The following TRABD2B variants were observed in gnomAD, a reference collection of about 807,000 sequenced individuals.
TRABD2B encodes the protein TraB domain containing 2B, also known as metalloprotease TIKI2.
A neutral mutation model predicts 40.1 loss-of-function variants in TRABD2B; 14 were observed. The ratio of observed to expected loss-of-function variants is 0.35; its 90% CI spans 0.23 to 0.55. The LOEUF is 0.55. TRABD2B is among the 20% of genes least tolerant of loss of function. TRABD2B has a pLI of 0.90. For synonymous variants in TRABD2B, 263 were observed against 277.0 expected (o/e 0.95, Z 0.50); for missense variants, 541 against 648.6 (o/e 0.83, Z 1.80).
intron 2 of TRABD2B, among the ~76,000 whole-genome samples, chr1:47,865,756 A>G (rs1166049671): frequency 2.0e-5 from 3 of 152,046 alleles, no homozygotes; most frequent in Non-Finnish European, 4.4e-5. Flanking sequence ...CATCCTTCCA[A>G]TGGTGATGAT....
At chr1:47,882,237 C>CAT (rs1199529325) in intron 2 of TRABD2B, among the ~76,000 whole-genome samples, 3 of 152,224 alleles carry the variant, frequency 2.0e-5, no homozygotes, top group African/African-American at 2.4e-5. Flanking sequence ...GCCTCATGCT[C>CAT]CCCATGCTGC....
At chr1:47,844,175 T>C (rs1485533831) in intron 2 of TRABD2B, among the ~76,000 whole-genome samples, 1 of 152,218 alleles carries the variant, frequency 6.6e-6, no homozygotes, top group Admixed American at 6.5e-5. Context: ...AATAACACCG[T>C]GCTGACCACA....
chr1:47,970,127 TC>T (rs201644720), intron 2 of TRABD2B, among the ~76,000 whole-genome samples: 1,593 of 152,172 alleles, frequency 0.01, 25 homozygotes, highest in South Asian at 0.074. Context: ...TATCAGAGAC[TC>T]CTGTTTTCCA....
Position 47,775,215 on chromosome 1 carries a change from TG to T in TRABD2B, c.1303del (p.Gln435SerfsTer126). 1 of 1,241,692 alleles carries T rather than the reference TG, an allele frequency of 8.1e-7. No individual in the cohort carries two copies. 76.9% of individuals were successfully genotyped at this position (1,241,692 alleles called of 1,614,324 possible). Reference sequence around the variant, plus strand: ...GAGGTCATTGAACTGCCGCGGCCGCTGGTGTGTGCTCTGCCTCTTGTGCCAC... The same window carrying T: ...GAGGTCATTGAACTGCCGCGGCCGCTGTGTGTGCTCTGCCTCTTGTGCCAC... ...RKWHKRQSTHQRPRQFNDLWV... is the reference protein window; with the variant it reads ...RKWHKRQSTHXRPRQFNDLWV... On this transcript the variant is annotated frameshift_variant, in exon 6 of 7. Transcript: ENST00000606738. LOFTEE classifies it low-confidence loss of function (END_TRUNC).
At chr1:47,798,451 C>G (rs1644777226) in intron 3 of TRABD2B, among the ~76,000 whole-genome samples, 1 of 152,212 alleles carries the variant, frequency 6.6e-6, no homozygotes, top group Non-Finnish European at 1.5e-5. Flanking sequence ...TAGGCACAGA[C>G]AGTGCCAGTG....
intron 2 of TRABD2B, among the ~76,000 whole-genome samples, chr1:47,942,498 C>G (rs1645201401): frequency 6.6e-6 from 1 of 152,108 alleles, no homozygotes; most frequent in African/African-American, 2.4e-5. Context: ...CTCTGCTGTT[C>G]CTCTGCATGA....
At chr1:47,838,395 A>G (rs908822556) in intron 2 of TRABD2B, among the ~76,000 whole-genome samples, 1 of 152,164 alleles carries the variant, frequency 6.6e-6, no homozygotes, top group Admixed American at 6.5e-5. Context: ...CCATCTCTGG[A>G]GGAGGGTCAG....
chr1:47,961,787 C>T (rs536458276), intron 2 of TRABD2B, among the ~76,000 whole-genome samples: 2 of 152,304 alleles, frequency 1.3e-5, no homozygotes, highest in South Asian at 2.1e-4. Context: ...AGTTCAACCA[C>T]TGTGAAAGAC....
At chr1:47,964,670 A>C (rs1645572496) in intron 2 of TRABD2B, among the ~76,000 whole-genome samples, 1 of 152,144 alleles carries the variant, frequency 6.6e-6, no homozygotes, top group Non-Finnish European at 1.5e-5. Context: ...ATTTGTTTTT[A>C]ATGCTGAACA....
intron 6 of TRABD2B, among the ~76,000 whole-genome samples, chr1:47,774,421 T>G (rs570185626): frequency 1.2e-3 from 176 of 152,238 alleles, no homozygotes; most frequent in African/African-American, 4.0e-3. Context: ...GCAACACTGT[T>G]CACTAAATAT....
At chr1:47,801,719 T>C (rs910692136) in intron 2 of TRABD2B, 100 bp from the exon 3 acceptor site, 1 of 1,393,264 alleles carries the variant, frequency 7.2e-7, no homozygotes, top group African/African-American at 1.4e-5. Context: ...GCAACAGGCC[T>C]GAAACAGAGA....
rs955229752 is a variant in TRABD2B at position 47,762,045 on chromosome 1, T to C, written c.*3857A>G. On this transcript the variant is annotated 3_prime_UTR_variant, in exon 7 of 7. Coordinates refer to ENST00000606738, the MANE Select transcript of TRABD2B (RefSeq NM_001194986.2). ...CAACACTGGGCAGTGGGTATTGTGA[T>C]AGATGCTAAGAAAGCACAAAGGAAT... 1 of 151,914 alleles carries C rather than the reference T, an allele frequency of 6.6e-6. No homozygotes were observed. Among genetic ancestry groups the C allele is most frequent in the African/African-American group, 2.4e-5 (1 of 41,332 alleles). 9.4% of individuals were successfully genotyped at this position (151,914 alleles called of 1,614,324 possible). A position where few individuals can be genotyped will look rare whatever the true frequency, so the allele number is the denominator to read the frequency against.
intron 2 of TRABD2B, among the ~76,000 whole-genome samples, chr1:47,938,706 G>C (rs1231085106): frequency 6.6e-6 from 1 of 152,106 alleles, no homozygotes; most frequent in Non-Finnish European, 1.5e-5. Flanking sequence ...CTAAAACGAT[G>C]GTGTTGGACT....
At chr1:47,769,405 AT>A (rs1644350190) in intron 6 of TRABD2B, among the ~76,000 whole-genome samples, 2 of 152,152 alleles carry the variant, frequency 1.3e-5, no homozygotes. Flanking sequence ...GCCCAAAGGC[AT>A]TTTCTTTCAC....
chr1:47,927,241 C>A (rs1377323093), intron 2 of TRABD2B, among the ~76,000 whole-genome samples: 2 of 152,220 alleles, frequency 1.3e-5, no homozygotes, highest in African/African-American at 2.4e-5. Context: ...GCTGAGACCA[C>A]CAGAGGTGCC....
At chr1:47,968,193 CCAAA>C (rs1431637633) in intron 2 of TRABD2B, among the ~76,000 whole-genome samples, 2 of 152,166 alleles carry the variant, frequency 1.3e-5, no homozygotes, top group African/African-American at 2.4e-5. Flanking sequence ...ATATTTGATC[CCAAA>C]CAAATAACAT....
chr1:47,811,163 G>T (rs1380066298), intron 2 of TRABD2B, among the ~76,000 whole-genome samples: 3 of 152,106 alleles, frequency 2.0e-5, no homozygotes, highest in East Asian at 3.9e-4. Context: ...AGAAGAACGT[G>T]GGGGGAGCTG....
intron 2 of TRABD2B, among the ~76,000 whole-genome samples, chr1:47,875,330 C>A (rs1436910281): frequency 6.6e-6 from 1 of 150,858 alleles, no homozygotes; most frequent in African/African-American, 2.4e-5. Flanking sequence ...CGCGGCAACA[C>A]TAGATATGCT....
intron 2 of TRABD2B, among the ~76,000 whole-genome samples, chr1:47,822,816 C>T (rs577697084): frequency 1.3e-5 from 2 of 152,272 alleles, no homozygotes; most frequent in Admixed American, 6.5e-5. Flanking sequence ...GGTCAGGACA[C>T]GAGTAATAAG....
Sources: allele counts gnomAD v4.1 joint callset (sites outside exome capture counted in the v4.1 genomes callset), GRCh38; gene constraint gnomAD v4.1.1; transcripts MANE v1.5; gene names NCBI Gene and HGNC (gene_info 2026-07-23, HGNC 2026-07-21).